Variants in LRRC28 observed in about 807,000 individuals in gnomAD.
LRRC28 encodes the protein leucine-rich repeat-containing protein 28.
Under a neutral mutation model 45.7 loss-of-function variants are expected in LRRC28, and 39 were observed. That is an observed-to-expected ratio of 0.85 (90% CI 0.66 to 1.12). LRRC28 has a LOEUF of 1.12. LRRC28 is among the 50% of genes most tolerant of loss of function. The pLI is 0.00. For synonymous variants in LRRC28, 206 were observed against 178.8 expected (o/e 1.15, Z -1.22); for missense variants, 435 against 438.5 (o/e 0.99, Z 0.07).
chr15:99,386,155 C>G lies in LRRC28; in HGVS notation c.*53C>G. 1 of 1,385,818 alleles carries G rather than the reference C, an allele frequency of 7.2e-7. No individual in the cohort carries two copies. The highest frequency in any genetic ancestry group is 1.4e-5 in the African/African-American group (1 of 70,438). 85.8% of individuals were successfully genotyped at this position (1,385,818 alleles called of 1,614,324 possible). On this transcript the variant is annotated 3_prime_UTR_variant, in exon 10 of 10. Transcript: ENST00000301981. ...GCCAGCTTGACACTGGGGAATCCAGCCAGTCCAGCACACTCTTCCATCCTG... is the reference window on the plus strand; with the variant it reads ...GCCAGCTTGACACTGGGGAATCCAGGCAGTCCAGCACACTCTTCCATCCTG...
intron 5 of LRRC28, among the ~76,000 whole-genome samples, chr15:99,305,521 T>A (rs1404630871): frequency 1.3e-5 from 2 of 152,264 alleles, no homozygotes; most frequent in Admixed American, 6.5e-5. Context: ...AACAAAATGT[T>A]TATAAGAAAA....
At chr15:99,361,124 A>G in intron 7 of LRRC28, 2 of 462,770 alleles carry the variant, frequency 4.3e-6, no homozygotes, top group South Asian at 8.9e-5. Context: ...GGGCCTCAGC[A>G]ATGATTTAGC....
chr15:99,312,480 G>A (rs1473071945), intron 5 of LRRC28, among the ~76,000 whole-genome samples: 6 of 152,130 alleles, frequency 3.9e-5, no homozygotes, highest in African/African-American at 1.4e-4. Flanking sequence ...GCTTTTTCCT[G>A]CACTATCTCC....
chr15:99,253,113 G>A (rs1597131496), intron 1 of LRRC28, among the ~76,000 whole-genome samples: 1 of 138,110 alleles, frequency 7.2e-6, no homozygotes, highest in African/African-American at 2.8e-5. Context: ...ATTACTTTGG[G>A]ATAGGGAAGT....
At chr15:99,330,636 A>G (rs1222744660) in intron 5 of LRRC28, among the ~76,000 whole-genome samples, 8 of 151,914 alleles carry the variant, frequency 5.3e-5, no homozygotes, top group East Asian at 1.9e-4. Flanking sequence ...TGTATTTCTT[A>G]TGGATAGCAT....
chr15:99,258,271 C>T (rs914091342), intron 2 of LRRC28: 15 of 1,561,050 alleles, frequency 9.6e-6, no homozygotes, highest in Middle Eastern at 1.7e-4. Flanking sequence ...AACACAACAA[C>T]GATACCCAGT....
At chr15:99,356,742 A>G (rs917732735) in intron 7 of LRRC28, among the ~76,000 whole-genome samples, 12 of 152,232 alleles carry the variant, frequency 7.9e-5, no homozygotes, top group African/African-American at 1.2e-4. Context: ...AAAGAAAACC[A>G]TGCGTAGGCA....
chr15:99,366,059 C>A lies in LRRC28; in HGVS notation c.1031+2794C>A, dbSNP rs183935254. Among the ~76,000 whole-genome samples the A allele has an allele frequency of 2.2e-4, 34 of 152,300 alleles. 1 individual carries two copies. Among genetic ancestry groups the A allele is most frequent in the Non-Finnish European group, 4.1e-4 (28 of 68,020 alleles). Reference sequence around the variant, plus strand: ...AGTTCCATATTTCCCAGTAGGAAACCAGGCTACCAGAGTTTTTCAGGGGCA... The same window carrying A: ...AGTTCCATATTTCCCAGTAGGAAACAAGGCTACCAGAGTTTTTCAGGGGCA... On this transcript the variant is annotated intron_variant, in intron 9 of 9. Transcript: ENST00000301981.
At chr15:99,316,001 A>G (rs970563709) in intron 5 of LRRC28, among the ~76,000 whole-genome samples, 4 of 152,334 alleles carry the variant, frequency 2.6e-5, no homozygotes, top group Non-Finnish European at 4.4e-5. Flanking sequence ...AGCATCATAC[A>G]TTTTAAAAAG....
intron 2 of LRRC28, among the ~76,000 whole-genome samples, chr15:99,274,792 G>C (rs2081572243): frequency 6.6e-6 from 1 of 152,140 alleles, no homozygotes; most frequent in African/African-American, 2.4e-5. Context: ...GATTGTATTT[G>C]CAGTTTCCCA....
chr15:99,363,179 T>C lies in LRRC28; in HGVS notation c.945T>C (p.Cys315=), dbSNP rs1957252422. ...TGCTGCACTGCCCTCTGGGGCACTG[T>C]CATCGGTGTAGTGAGCCTATGTTTA... The part of the protein sequence containing the change: ...LELLHCPLGH[C]HRCSEPMFTI... Residue 315 remains cysteine, a synonymous_variant, in exon 9 of 10, where the codon TGT becomes TGC. Coordinates refer to ENST00000301981, the MANE Select transcript of LRRC28 (RefSeq NM_144598.5). 6.2e-7 allele frequency: 1 copy of C among 1,613,960 alleles called. No individual in the cohort carries two copies.
intron 5 of LRRC28, among the ~76,000 whole-genome samples, chr15:99,290,320 AT>A (rs930443413): frequency 3.9e-5 from 6 of 152,012 alleles, no homozygotes; most frequent in South Asian, 2.1e-4. Flanking sequence ...TTTAAAAAAT[AT>A]TTTTTTATTC....
intron 5 of LRRC28, among the ~76,000 whole-genome samples, chr15:99,309,225 T>C (rs951600882): frequency 6.6e-6 from 1 of 152,204 alleles, no homozygotes; most frequent in Non-Finnish European, 1.5e-5. Flanking sequence ...GGTGATATTT[T>C]GCAGGTTCTT....
chr15:99,277,857 G>A (rs1034541336), intron 3 of LRRC28, among the ~76,000 whole-genome samples: 2 of 151,736 alleles, frequency 1.3e-5, no homozygotes, highest in Non-Finnish European at 2.9e-5. Context: ...CATCCTTTAG[G>A]TACTTTATAG....
At chr15:99,346,118 A>T (rs1319744367) in intron 6 of LRRC28, among the ~76,000 whole-genome samples, 4 of 151,800 alleles carry the variant, frequency 2.6e-5, no homozygotes, top group African/African-American at 9.7e-5. Context: ...AGTAGGTGGG[A>T]CTCTAGACAT....
At position 99,306,402 on chromosome 15, in the gene LRRC28, G is replaced by GT. The variant is rs561398668; in HGVS notation, c.385+18451_385+18452insT. Among the ~76,000 whole-genome samples, 113 of 152,280 alleles carry GT rather than the reference G, an allele frequency of 7.4e-4. 1 individual carries two copies. Among genetic ancestry groups the GT allele is most frequent in the African/African-American group, 1.9e-3 (79 of 41,564 alleles). Reference sequence around the variant, plus strand: ...TTTAAAGGAACTCGGCTAACCCGCTGATACCTAAATAAAGTCAGTTTTGTT... The same window carrying GT: ...TTTAAAGGAACTCGGCTAACCCGCTGTATACCTAAATAAAGTCAGTTTTGTT... On this transcript the variant is annotated intron_variant, in intron 5 of 9. Coordinates refer to ENST00000301981, the MANE Select transcript of LRRC28 (RefSeq NM_144598.5).
At chr15:99,335,663 G>C (rs544163288) in intron 6 of LRRC28, among the ~76,000 whole-genome samples, 1 of 152,062 alleles carries the variant, frequency 6.6e-6, no homozygotes, top group East Asian at 1.9e-4. Context: ...CCAATACCCT[G>C]TCTCTAAAAA....
intron 9 of LRRC28, among the ~76,000 whole-genome samples, chr15:99,363,948 TA>T (rs1244114486): frequency 6.6e-6 from 1 of 151,988 alleles, no homozygotes; most frequent in Non-Finnish European, 1.5e-5. Flanking sequence ...ATTTTTTAAG[TA>T]AAAAAAAGTA....
At chr15:99,313,074 C>A (rs1424444048) in intron 5 of LRRC28, among the ~76,000 whole-genome samples, 1 of 151,288 alleles carries the variant, frequency 6.6e-6, no homozygotes, top group Non-Finnish European at 1.5e-5. Context: ...ACAAATAGGG[C>A]CAAAAGAAAA....
Sources: allele counts gnomAD v4.1 joint callset (sites outside exome capture counted in the v4.1 genomes callset), GRCh38; gene constraint gnomAD v4.1.1; transcripts MANE v1.5; gene names NCBI Gene and HGNC (gene_info 2026-07-23, HGNC 2026-07-21).